The following SERINC5 variants were observed in gnomAD, a reference collection of about 807,000 sequenced individuals.
SERINC5 encodes serine incorporator 5, also known as chromosome 5 open reading frame 12.
SERINC5 carries 41 observed loss-of-function variants against 63.1 expected under a neutral mutation model. That is an observed-to-expected ratio of 0.65 (90% CI 0.51 to 0.84). SERINC5 has a LOEUF of 0.84. Among genes scored for constraint, SERINC5 ranks in the 40% least tolerant of loss-of-function variants. SERINC5 has a pLI of 0.00. For missense variants in SERINC5, 523 were observed against 573.0 expected (o/e 0.91, Z 0.89); for synonymous variants, 222 against 215.2 (o/e 1.03, Z -0.28).
intron 1 of SERINC5, among the ~76,000 whole-genome samples, chr5:80,229,053 G>GGGGGGGGGGGA (rs1372305543): frequency 3.3e-5 from 2 of 60,140 alleles, no homozygotes; most frequent in Admixed American, 1.9e-4. Context: ...TTTTTTTTGG[G>GGGGGGGGGGGA]GATGGAGTTG....
At position 80,169,385 on chromosome 5, in the gene SERINC5, C is replaced by T. The variant is rs1747501891; in HGVS notation, c.713G>A (p.Gly238Asp). Reference sequence around the variant, plus strand: ...TACCAATGATATAAGCAGGCACAGGCCTCCATTTACTCCCAGCAGAATTTT... The same window carrying T: ...TACCAATGATATAAGCAGGCACAGGTCTCCATTTACTCCCAGCAGAATTTT... ...ENKILLGVNGGLCLLISLVAI... is the reference protein window; with the variant it reads ...ENKILLGVNGDLCLLISLVAI... Residue 238 changes from glycine (G) to aspartate (D), a missense_variant, in exon 6 of 12, where the codon GGC (glycine) becomes GAC (aspartate). By Grantham distance (94) the Gly-to-Asp change is moderately conservative. Coordinates refer to ENST00000507668, the MANE Select transcript of SERINC5 (RefSeq NM_001174072.3). The T allele has an allele frequency of 1.9e-6, 3 of 1,614,006 alleles. No individual in the cohort carries two copies. The highest frequency in any genetic ancestry group is 2.5e-6 in the Non-Finnish European group (3 of 1,179,884).
At chr5:80,166,602 AAG>A (rs1747319008) in intron 6 of SERINC5, 124 bp from the exon 7 acceptor site, 1 of 606,876 alleles carries the variant, frequency 1.6e-6, no homozygotes, top group African/African-American at 1.9e-5. Context: ...AAGGAAAGAA[AAG>A]AGAAAAAAAT....
chr5:80,142,852 A>G lies in SERINC5; in HGVS notation c.*811T>C, dbSNP rs1330640085. 1.0e-6 allele frequency: 1 copy of G among 985,448 alleles called. No homozygotes were observed. The highest frequency in any genetic ancestry group is 1.2e-6 in the Non-Finnish European group (1 of 829,928). 61.0% of individuals were successfully genotyped at this position (985,448 alleles called of 1,614,324 possible). A position where few individuals can be genotyped will look rare whatever the true frequency, so the allele number is the denominator to read the frequency against. On this transcript the variant is annotated 3_prime_UTR_variant, in exon 12 of 12. Transcript: ENST00000507668. ...TAGCCCTCCATTGCTTAGGCAGAGA[A>G]AACATGAATCTTGTTCTATAATCAT...
At chr5:80,186,714 T>G (rs571916803) in intron 2 of SERINC5, among the ~76,000 whole-genome samples, 24 of 152,196 alleles carry the variant, frequency 1.6e-4, no homozygotes, top group African/African-American at 5.5e-4. Context: ...ACAAAAAAGC[T>G]ACAGGAAGAC....
chr5:80,186,774 T>C (rs1418273283), intron 2 of SERINC5, among the ~76,000 whole-genome samples: 1 of 152,064 alleles, frequency 6.6e-6, no homozygotes, highest in Non-Finnish European at 1.5e-5. Context: ...ATAGAAAACA[T>C]GTATAAGTTT....
intron 1 of SERINC5, among the ~76,000 whole-genome samples, chr5:80,229,062 T>A (rs1370440781): frequency 1.1e-5 from 1 of 88,910 alleles, no homozygotes; most frequent in African/African-American, 5.3e-5. Context: ...GGGATGGAGT[T>A]GCCTAGGCTG....
In SERINC5 at chr5:80,177,924, G is replaced by T. The variant is rs769551473; in HGVS notation, c.336C>A (p.Ile112=). 6.2e-6 allele frequency: 10 copies of T among 1,611,200 alleles called. No homozygotes were observed. The Admixed American group carries it at 1.5e-4, about 24-fold the overall frequency. ...GAGCTCTACAACTTTTGCTGTTGTT[G>T]ATTTTCAAGGTCAGTAGACAGAAGA... The part of the protein sequence containing the change: ...FFIFCLLTLK[I]NNSKSCRAHI... Residue 112 remains isoleucine, a synonymous_variant, in exon 3 of 12, where the codon ATC becomes ATA. Transcript: ENST00000507668.
chr5:80,234,264 C>G (rs1286571831), intron 1 of SERINC5, among the ~76,000 whole-genome samples: 3 of 152,172 alleles, frequency 2.0e-5, no homozygotes, highest in Non-Finnish European at 4.4e-5. Context: ...TTGACAAAGA[C>G]TGATCTGACA....
intron 1 of SERINC5, among the ~76,000 whole-genome samples, chr5:80,211,459 C>T (rs1365988949): frequency 1.3e-5 from 2 of 152,152 alleles, no homozygotes; most frequent in African/African-American, 4.8e-5. Flanking sequence ...AATGACTATG[C>T]CTCTATCATC....
intron 1 of SERINC5, among the ~76,000 whole-genome samples, chr5:80,236,852 C>A (rs1397113286): frequency 6.7e-6 from 1 of 149,888 alleles, no homozygotes; most frequent in African/African-American, 2.5e-5. Context: ...CTTTTCTTTT[C>A]TTTTTTTATT....
Position 80,142,958 on chromosome 5 carries a change from G to C in SERINC5, c.*705C>G. ...TGATAATAAGGTGGGGAACCACCTG[G>C]GGGGTGATCAGACAAATTGTGCTTT... On this transcript the variant is annotated 3_prime_UTR_variant, in exon 12 of 12. Coordinates refer to ENST00000507668, the MANE Select transcript of SERINC5 (RefSeq NM_001174072.3). 1 of 985,386 alleles carries C rather than the reference G, an allele frequency of 1.0e-6. No homozygotes were observed. The highest frequency in any genetic ancestry group is 1.2e-6 in the Non-Finnish European group (1 of 829,902). The allele number at this position is 985,386 out of a possible 1,614,324, so 61.0% of individuals were successfully genotyped here. A position where few individuals can be genotyped will look rare whatever the true frequency, so the allele number is the denominator to read the frequency against.
chr5:80,124,315 G>A (rs780831297), intron 11 of SERINC5, among the ~76,000 whole-genome samples: 10 of 152,160 alleles, frequency 6.6e-5, no homozygotes, highest in Non-Finnish European at 8.8e-5. Context: ...CAGCTTCCCC[G>A]TGCCAACAGT....
At position 80,142,849 on chromosome 5, in the gene SERINC5, A is replaced by G. The variant is rs1745591852; in HGVS notation, c.*814T>C. ...TGATAGCCCTCCATTGCTTAGGCAG[A>G]GAAAACATGAATCTTGTTCTATAAT... is the stretch of plus-strand genomic sequence containing the variant. On this transcript the variant is annotated 3_prime_UTR_variant, in exon 12 of 12. Transcript: ENST00000507668. 1 of 985,462 alleles carries G rather than the reference A, an allele frequency of 1.0e-6. No homozygotes were observed. 61.0% of individuals were successfully genotyped at this position (985,462 alleles called of 1,614,324 possible).
intron 1 of SERINC5, among the ~76,000 whole-genome samples, chr5:80,250,251 ATTACTGAG>A (rs557124753): frequency 1.2e-3 from 187 of 152,354 alleles, no homozygotes; most frequent in African/African-American, 4.4e-3. Flanking sequence ...GAGAAAGATC[ATTACTGAG>A]GAAACATTAA....
At chr5:80,180,297 A>G (rs1028324053) in intron 2 of SERINC5, among the ~76,000 whole-genome samples, 2 of 152,260 alleles carry the variant, frequency 1.3e-5, no homozygotes, top group African/African-American at 4.8e-5. Context: ...ACTCTTCTGA[A>G]CAGAAAATAA....
At position 80,158,982 on chromosome 5, in the gene SERINC5, G is replaced by C. The variant is rs1268284778; in HGVS notation, c.860-20C>G. 1 of 1,612,490 alleles carries C rather than the reference G, an allele frequency of 6.2e-7. No homozygotes were observed. The highest frequency in any genetic ancestry group is 8.5e-7 in the Non-Finnish European group (1 of 1,179,634). On this transcript the variant is annotated intron_variant, in intron 7 of 11. Transcript: ENST00000507668. The stretch of plus-strand genomic sequence containing the variant: ...CTAGAACTTGAAAAGAAAAAACAAA[G>C]TCATCACAGTCAAGTACAAAGGCCA...
At chr5:80,113,211 ATGT>A (rs772014451) in intron 12 of SERINC5, among the ~76,000 whole-genome samples, 45 of 152,310 alleles carry the variant, frequency 3.0e-4, no homozygotes, top group Non-Finnish European at 5.0e-4. Flanking sequence ...TTCCTGATAG[ATGT>A]TGTTGAATTG....
At chr5:80,111,263 G>C (rs1744096438), downstream of SERINC5, among the ~76,000 whole-genome samples, 1 of 152,188 alleles carries the variant, frequency 6.6e-6, no homozygotes, top group African/African-American at 2.4e-5. Flanking sequence ...GCGACCGAGA[G>C]ACGGCTAGTG....
At chr5:80,242,086 G>C (rs575267496) in intron 1 of SERINC5, among the ~76,000 whole-genome samples, 9 of 151,936 alleles carry the variant, frequency 5.9e-5, no homozygotes, top group Non-Finnish European at 1.2e-4. Context: ...AGCTGTGAAC[G>C]TATCACTGCA....
Sources: gnomAD v4.1 joint callset for allele counts (sites outside exome capture counted in the v4.1 genomes callset) on GRCh38, gnomAD v4.1.1 for gene constraint, MANE v1.5 for transcripts, NCBI Gene and HGNC (gene_info 2026-07-23, HGNC 2026-07-21) for gene names.